The following MSH3 variants were observed in gnomAD, a reference collection of about 807,000 sequenced individuals.
MSH3 encodes DNA mismatch repair protein Msh3.
Under a neutral mutation model 123.3 loss-of-function variants are expected in MSH3, and 106 were observed. The ratio of observed to expected loss-of-function variants is 0.86; its 90% CI spans 0.73 to 1.01. The LOEUF is 1.01. Ranked by LOEUF, MSH3 falls within the 50% of genes least tolerant of loss-of-function variation. The pLI is 0.00. For synonymous variants in MSH3, 515 were observed against 481.4 expected, an observed-to-expected ratio of 1.07 and a Z score of -0.91; for missense variants, 1,459 against 1,347.6, an observed-to-expected ratio of 1.08 and a Z score of -1.29.
intron 15 of MSH3, among the ~76,000 whole-genome samples, chr5:80,773,427 TG>T (rs1366155086): frequency 2.6e-5 from 4 of 152,210 alleles, no homozygotes; most frequent in African/African-American, 7.2e-5. Flanking sequence ...GTGGCAGATT[TG>T]AAACTGTAGT....
intron 18 of MSH3, among the ~76,000 whole-genome samples, chr5:80,791,147 ATACAATTTATAGGT>A (rs1454057489): frequency 2.0e-5 from 3 of 151,424 alleles, no homozygotes; most frequent in Non-Finnish European, 2.9e-5. Context: ...AATTTACTTG[ATACAATTTATAGGT>A]TACAATTTAT....
intron 15 of MSH3, among the ~76,000 whole-genome samples, chr5:80,773,303 T>G (rs1293701301): frequency 6.6e-6 from 1 of 152,232 alleles, no homozygotes; most frequent in Non-Finnish European, 1.5e-5. Context: ...TTAGCACAGT[T>G]TAAAAGTGAT....
intron 8 of MSH3, among the ~76,000 whole-genome samples, chr5:80,721,609 C>A: frequency 6.6e-6 from 1 of 152,162 alleles, no homozygotes; most frequent in East Asian, 1.9e-4. Context: ...GTTCATCCCA[C>A]CTGCTTGCAT....
chr5:80,846,747 T>G (rs1016780856), intron 20 of MSH3, among the ~76,000 whole-genome samples: 16 of 152,258 alleles, frequency 1.1e-4, no homozygotes, highest in African/African-American at 3.9e-4. Context: ...TCTCCTGGTC[T>G]GCCGGTTGCA....
At chr5:80,718,720 T>A (rs1457791538) in intron 8 of MSH3, among the ~76,000 whole-genome samples, 1 of 152,046 alleles carries the variant, frequency 6.6e-6, no homozygotes, top group Non-Finnish European at 1.5e-5. Flanking sequence ...CATATAATTA[T>A]CTCTCTTTTT....
At chr5:80,679,275 T>C (rs546213842) in intron 8 of MSH3, among the ~76,000 whole-genome samples, 182 bp downstream of exon 8, 1 of 152,020 alleles carries the variant, frequency 6.6e-6, no homozygotes, top group East Asian at 1.9e-4. Flanking sequence ...CACATGCATG[T>C]AATCTCAGCC....
intron 1 of MSH3, 133 bp from the exon 2 acceptor site, chr5:80,656,277 TA>T: frequency 8.2e-7 from 1 of 1,218,780 alleles, no homozygotes; most frequent in Non-Finnish European, 1.2e-6. Flanking sequence ...TTTCCAGAGC[TA>T]AAAGTAGAGG....
chr5:80,860,941 A>G (rs1488511629), intron 21 of MSH3, among the ~76,000 whole-genome samples: 1 of 152,164 alleles, frequency 6.6e-6, no homozygotes, highest in Non-Finnish European at 1.5e-5. Context: ...AGCTGTGTCC[A>G]GTCTACCAGT....
At chr5:80,785,461 G>A (rs1330783907) in intron 17 of MSH3, among the ~76,000 whole-genome samples, 1 of 152,058 alleles carries the variant, frequency 6.6e-6, no homozygotes, top group Admixed American at 6.6e-5. Flanking sequence ...GAAACAACAG[G>A]TGCTGGAGAG....
intron 13 of MSH3, among the ~76,000 whole-genome samples, chr5:80,765,977 C>G (rs1001896370): frequency 2.0e-5 from 3 of 152,124 alleles, no homozygotes; most frequent in Non-Finnish European, 2.9e-5. Context: ...ACTTCATTAT[C>G]TTTACTTCCT....
At chr5:80,740,344 GT>G (rs1244165728) in intron 10 of MSH3, among the ~76,000 whole-genome samples, 3 of 149,204 alleles carry the variant, frequency 2.0e-5, no homozygotes, top group Non-Finnish European at 4.5e-5. Context: ...GGTAATGTGT[GT>G]TTTTTTTCTT....
chr5:80,704,290 G>T (rs1580574220), intron 8 of MSH3, among the ~76,000 whole-genome samples: 1 of 152,186 alleles, frequency 6.6e-6, no homozygotes, highest in East Asian at 1.9e-4. Context: ...TTTTTTGAAA[G>T]TACAATTCCA....
intron 20 of MSH3, among the ~76,000 whole-genome samples, chr5:80,833,736 C>T (rs1227885553): frequency 2.0e-5 from 3 of 152,230 alleles, no homozygotes; most frequent in Non-Finnish European, 4.4e-5. Flanking sequence ...CCACCTCGCA[C>T]AGCCAAACTT....
Position 80,675,033 on chromosome 5 carries a change from A to G in MSH3, c.1078A>G (p.Met360Val), listed in dbSNP as rs1260085751. ...LDDAVNVDEI[M>V]TDTSTSYLLC... ...TGATGCTGTAAATGTTGATGAGATA[A>G]TGACTGATACTTCTACCAGCTATCT... Residue 360 changes from methionine to valine, a missense_variant, in exon 7 of 24, where the codon ATG (methionine) becomes GTG (valine). Physicochemically the swap from Met to Val is conservative, Grantham distance 21. Transcript: ENST00000265081. The G allele has an allele frequency of 6.2e-7, 1 of 1,613,032 alleles. No homozygotes were observed. Among genetic ancestry groups the G allele is most frequent in the Admixed American group, 1.7e-5 (1 of 59,992 alleles).
intron 13 of MSH3, among the ~76,000 whole-genome samples, chr5:80,763,108 A>G (rs746066988): frequency 6.6e-6 from 1 of 152,148 alleles, no homozygotes; most frequent in African/African-American, 2.4e-5. Flanking sequence ...CGGCCTCCCA[A>G]AGTGCTGGGA....
intron 19 of MSH3, among the ~76,000 whole-genome samples, chr5:80,801,133 G>A (rs1561482792): frequency 6.6e-6 from 1 of 152,364 alleles, no homozygotes; most frequent in East Asian, 1.9e-4. Flanking sequence ...CCTTTAGACT[G>A]TGACCTTTAG....
chr5:80,769,449 T>G (rs1254305130), intron 15 of MSH3, among the ~76,000 whole-genome samples: 1 of 151,978 alleles, frequency 6.6e-6, no homozygotes, highest in African/African-American at 2.4e-5. Flanking sequence ...AAAACAAGTC[T>G]AGAGTGAAAA....
intron 17 of MSH3, among the ~76,000 whole-genome samples, chr5:80,786,540 C>T (rs768569192): frequency 2.0e-5 from 3 of 152,188 alleles, no homozygotes; most frequent in Non-Finnish European, 4.4e-5. Context: ...CCTACTTAAA[C>T]ATTTTTTGTG....
chr5:80,756,435 T>C (rs6151767), intron 12 of MSH3, among the ~76,000 whole-genome samples: 9,134 of 152,266 alleles, frequency 0.06, 383 homozygotes, highest in Non-Finnish European at 0.089. Context: ...ACTGTTCTTA[T>C]GTGCATCCAG....
Sources: allele counts gnomAD v4.1 joint callset (sites outside exome capture counted in the v4.1 genomes callset), GRCh38; gene constraint gnomAD v4.1.1; transcripts MANE v1.5; gene names NCBI Gene and HGNC (gene_info 2026-07-23, HGNC 2026-07-21).